The following SEMA6B variants were observed in gnomAD, a reference collection of about 807,000 sequenced individuals.
The protein encoded by SEMA6B is semaphorin-6B.
SEMA6B carries 47 observed loss-of-function variants against 78.6 expected under a neutral mutation model. The ratio of observed to expected loss-of-function variants is 0.60; its 90% CI spans 0.47 to 0.76. The LOEUF (loss-of-function observed/expected upper bound fraction) is 0.76, where lower values mean the gene tolerates loss of function less well. SEMA6B is among the 30% of genes least tolerant of loss of function. The pLI is 0.00. For missense variants in SEMA6B, 1,213 were observed against 1,269.9 expected (o/e 0.96, Z 0.68); for synonymous variants, 632 against 592.2 (o/e 1.07, Z -0.98).
chr19:4,547,493 C>A (rs1026349974), intron 14 of SEMA6B, among the ~76,000 whole-genome samples: 1 of 152,234 alleles, frequency 6.6e-6, no homozygotes, highest in Non-Finnish European at 1.5e-5. Flanking sequence ...GCAGGGTCCT[C>A]CGCATTGACG....
At chr19:4,553,082 C>T (rs970767133) in intron 9 of SEMA6B, among the ~76,000 whole-genome samples, 8 of 152,024 alleles carry the variant, frequency 5.3e-5, no homozygotes, top group Admixed American at 2.0e-4. Flanking sequence ...AGTAGATGGA[C>T]GGACGATTAC....
chr19:4,550,170 C>T lies in SEMA6B; in HGVS notation c.1224G>A (p.Ala408=), dbSNP rs754487801. 5.9e-5 allele frequency: 96 copies of T among 1,613,694 alleles called. No individual in the cohort carries two copies. The highest frequency in any genetic ancestry group is 3.7e-4 in the Admixed American group (22 of 59,988). ...FVKTHPLMDE[A]VPSLGHAPWI... ...AGGGCGCATGGCCCAGCGAGGGCAC[C>T]GCCTCGTCCATCAGAGGGTGGGTCT... The change falls in exon 12 of 17, where the codon GCG becomes GCA. Residue 408 remains alanine, a synonymous_variant. Transcript: ENST00000586582. This position sits in a 1 kb window ranked among gnomAD's most constrained non-coding sequence, Gnocchi z 6.6.
rs770503059 is a variant in SEMA6B, at chr19:4,558,754, T to C, written c.-32-265A>G. On this transcript the variant is annotated intron_variant, in intron 1 of 16. Transcript: ENST00000586582. The surrounding 1 kb of genome is among the most constrained non-coding windows in gnomAD (Gnocchi z 5.1). The stretch of plus-strand genomic sequence containing the variant: ...GGTAATTTAAAACTAATAATAATTA[T>C]TATAATAATAGATACAAATATCCTA... 1.3e-4 allele frequency among the ~76,000 whole-genome samples: 20 copies of C among 151,940 alleles called. No homozygotes were observed. Among genetic ancestry groups the C allele is most frequent in the Non-Finnish European group, 2.6e-4 (18 of 68,010 alleles).
Position 4,542,769 on chromosome 19 carries a change from G to T in SEMA6B, c.*832C>A. ...ACCACCCTGGGGCCGTATTTACAGAGGGGCCCCACCCACCTTCGCCGCCCC... is the reference window on the plus strand; with the variant it reads ...ACCACCCTGGGGCCGTATTTACAGATGGGCCCCACCCACCTTCGCCGCCCC... On this transcript the variant is annotated 3_prime_UTR_variant, in exon 17 of 17. Transcript: ENST00000586582. The T allele has an allele frequency of 1.4e-6, 1 of 700,662 alleles. No homozygotes were observed. Among genetic ancestry groups the T allele is most frequent in the Non-Finnish European group, 2.6e-6 (1 of 384,590 alleles). 43.4% of individuals were successfully genotyped at this position (700,662 alleles called of 1,614,324 possible). A position where few individuals can be genotyped will look rare whatever the true frequency, so the allele number is the denominator to read the frequency against.
chr19:4,547,217 T>C (rs1296527109), intron 14 of SEMA6B, among the ~76,000 whole-genome samples: 1 of 152,110 alleles, frequency 6.6e-6, no homozygotes, highest in African/African-American at 2.4e-5. Flanking sequence ...GGAGTCCTCC[T>C]GCCTTGGCCT....
rs1327870114 is a variant in SEMA6B at position 4,544,413 on chromosome 19, C to T, written c.1855G>A (p.Gly619Ser). The T allele has an allele frequency of 1.2e-6, 2 of 1,604,230 alleles. No homozygotes were observed. The highest frequency in any genetic ancestry group is 1.7e-6 in the Non-Finnish European group (2 of 1,176,504). The change falls in exon 17 of 17, where the codon GGC (glycine) becomes AGC (serine). Residue 619 changes from glycine (G) to serine (S), a missense_variant. Physicochemically the swap from Gly to Ser is moderately conservative, Grantham distance 56 (BLOSUM62 0). Coordinates refer to ENST00000586582, the MANE Select transcript of SEMA6B (RefSeq NM_032108.4). The surrounding 1 kb of genome is among the most constrained non-coding windows in gnomAD (Gnocchi z 5.1). The part of the protein sequence containing the change: ...VGAVVSGFSV[G>S]WFVGLRERRE... ...CGCTCACGGAGGCCCACGAACCAGC[C>T]CACGCTGAAGCCGGACACCACGGCT...
intron 5 of SEMA6B, among the ~76,000 whole-genome samples, chr19:4,556,587 G>C (rs182257265): frequency 6.6e-6 from 1 of 151,630 alleles, no homozygotes; most frequent in Admixed American, 6.6e-5. Context: ...CGATTGGGTG[G>C]GGAGTGAGCT....
intron 12 of SEMA6B, among the ~76,000 whole-genome samples, chr19:4,549,327 T>G (rs1382010788): frequency 7.0e-6 from 1 of 142,180 alleles, no homozygotes; most frequent in East Asian, 2.1e-4. Context: ...TTTTGAGGTG[T>G]AGTCTCCCTC....
rs1977449954 is a variant in SEMA6B at position 4,555,692 on chromosome 19, C to T, written c.472-128G>A. 1 of 778,060 alleles carries T rather than the reference C, an allele frequency of 1.3e-6. No homozygotes were observed. 48.2% of individuals were successfully genotyped at this position (778,060 alleles called of 1,614,324 possible). A position where few individuals can be genotyped will look rare whatever the true frequency, so the allele number is the denominator to read the frequency against. On this transcript the variant is annotated intron_variant, in intron 6 of 16. Coordinates refer to ENST00000586582, the MANE Select transcript of SEMA6B (RefSeq NM_032108.4). The surrounding 1 kb of genome is among the most constrained non-coding windows in gnomAD (Gnocchi z 6.1). ...ATTACTGTGTGACCTTGGCCACTCA[C>T]TTAACCTCTCAGGGCCTCAGTTTAC... is the stretch of plus-strand genomic sequence containing the variant.
At chr19:4,554,635 G>T (rs1391960419) in intron 8 of SEMA6B, among the ~76,000 whole-genome samples, 159 bp from the exon 9 acceptor site, 1 of 152,178 alleles carries the variant, frequency 6.6e-6, no homozygotes, top group Non-Finnish European at 1.5e-5. Context: ...GGGAAGGGAG[G>T]TCAGAAGCCT....
chr19:4,546,728 G>T (rs998353672), intron 14 of SEMA6B, among the ~76,000 whole-genome samples: 1 of 151,834 alleles, frequency 6.6e-6, no homozygotes, highest in African/African-American at 2.4e-5. Context: ...GGGTTCAAGC[G>T]ATTCTCCTGC....
chr19:4,546,401 G>C lies in SEMA6B; in HGVS notation c.1670C>G (p.Pro557Arg), dbSNP rs374897578. 24 of 1,584,200 alleles carry C rather than the reference G, an allele frequency of 1.5e-5. No homozygotes were observed. The Admixed American group carries it at 2.1e-4, about 14-fold the overall frequency. Residue 557 changes from proline (P) to arginine (R), a missense_variant, in exon 15 of 17, where the codon CCG (proline) becomes CGG (arginine). Coordinates refer to ENST00000586582, the MANE Select transcript of SEMA6B (RefSeq NM_032108.4). The stretch of plus-strand genomic sequence containing the variant: ...CCCTCTCCCGCAGTACCTGGTGCCC[G>C]GGCTGAGGAAGATGCAGGAGCCGTC... ...APDGSCIFLS[P>R]GTRAAFEQDV...
At position 4,544,678 on chromosome 19, in the gene SEMA6B, C is replaced by T. The variant is rs1312123827; in HGVS notation, c.1739-149G>A. ...TGAGAAGGAGTCTTCCTTTGTGTGC[C>T]AGGCTGGAGTGCAGTGGGGCGATCT... On this transcript the variant is annotated intron_variant, in intron 16 of 16. Coordinates refer to ENST00000586582, the MANE Select transcript of SEMA6B (RefSeq NM_032108.4). This position sits in a 1 kb window ranked among gnomAD's most constrained non-coding sequence, Gnocchi z 5.1. The T allele has an allele frequency of 4.4e-6, 2 of 457,442 alleles. No individual in the cohort carries two copies. The highest frequency in any genetic ancestry group is 8.8e-5 in the Admixed American group (2 of 22,708). The allele number at this position is 457,442 out of a possible 1,614,324, so 28.3% of individuals were successfully genotyped here. A position where few individuals can be genotyped will look rare whatever the true frequency, so the allele number is the denominator to read the frequency against.
intron 10 of SEMA6B, among the ~76,000 whole-genome samples, chr19:4,551,363 G>T (rs1173826900): frequency 6.6e-6 from 1 of 151,644 alleles, no homozygotes; most frequent in African/African-American, 2.4e-5. Flanking sequence ...GGAATTACAG[G>T]TGCCCACCAC....
rs1481901269 is a variant in SEMA6B, at chr19:4,552,159, C to A, written c.989+263G>T. Among the ~76,000 whole-genome samples, 1 of 152,222 alleles carries A rather than the reference C, an allele frequency of 6.6e-6. No individual in the cohort carries two copies. The highest frequency in any genetic ancestry group is 1.5e-5 in the Non-Finnish European group (1 of 68,034). On this transcript the variant is annotated intron_variant, in intron 10 of 16. Transcript: ENST00000586582. This position sits in a 1 kb window ranked among gnomAD's most constrained non-coding sequence, Gnocchi z 7.4. ...TCCATCTCACACCCAAAGTCCAGCTCCAATGTCCCCTCCTCCAGGAAGCCC... is the reference window on the plus strand; with the variant it reads ...TCCATCTCACACCCAAAGTCCAGCTACAATGTCCCCTCCTCCAGGAAGCCC...
In SEMA6B at chr19:4,550,573, G is replaced by C. The variant is rs570591838; in HGVS notation, c.1121+226C>G. Among the ~76,000 whole-genome samples the C allele has an allele frequency of 4.6e-5, 7 of 152,050 alleles. No homozygotes were observed. In the East Asian group the frequency reaches 1.4e-3, roughly 29 times the overall value. On this transcript the variant is annotated intron_variant, in intron 11 of 16. Coordinates refer to ENST00000586582, the MANE Select transcript of SEMA6B (RefSeq NM_032108.4). This position sits in a 1 kb window ranked among gnomAD's most constrained non-coding sequence, Gnocchi z 6.6. ...GAGACAGGGTTTCGCCATGTTGGTC[G>C]GGCTGGTCTCAAACCCTCGACCTCA...
In SEMA6B at chr19:4,558,564, G is replaced by A. The variant is rs1977539026; in HGVS notation, c.-32-75C>T. The A allele has an allele frequency of 1.0e-6, 1 of 970,964 alleles. No homozygotes were observed. Among genetic ancestry groups the A allele is most frequent in the Non-Finnish European group, 1.3e-6 (1 of 749,972 alleles). The allele number at this position is 970,964 out of a possible 1,614,324, so 60.1% of individuals were successfully genotyped here. ...CACAAGACGGCGGGCGAGAGCAGCA[G>A]ACGCTCCTTCAAATCCCAGAAAAAT... On this transcript the variant is annotated intron_variant, in intron 1 of 16. Transcript: ENST00000586582. The surrounding 1 kb of genome is among the most constrained non-coding windows in gnomAD (Gnocchi z 5.1).
rs546805876 is a variant in SEMA6B at position 4,544,620 on chromosome 19, A to G, written c.1739-91T>C. The G allele has an allele frequency of 1.6e-6, 1 of 637,866 alleles. No individual in the cohort carries two copies. Among genetic ancestry groups the G allele is most frequent in the African/African-American group, 1.9e-5 (1 of 52,700 alleles). The allele number at this position is 637,866 out of a possible 1,614,324, so 39.5% of individuals were successfully genotyped here. ...CTCGGGGCCCTCTGTCCTCTTTTTT[A>G]TTATTTTTATTTTTTTTTATTTATT... On this transcript the variant is annotated intron_variant, in intron 16 of 16. Transcript: ENST00000586582. The surrounding 1 kb of genome is among the most constrained non-coding windows in gnomAD (Gnocchi z 5.1).
rs1977106822 is a variant in SEMA6B, at chr19:4,544,318, G to A, written c.1950C>T (p.Ser650=). 2.0e-6 allele frequency: 3 copies of A among 1,495,110 alleles called. No individual in the cohort carries two copies. The highest frequency in any genetic ancestry group is 2.7e-6 in the Non-Finnish European group (3 of 1,127,404). 92.6% of individuals were successfully genotyped at this position (1,495,110 alleles called of 1,614,324 possible). ...LAHGAGEAVL[S]VSRLGERRAQ... ...CCCTGCGCTCGCCCAGGCGGCTGACGCTCAGCACCGCCTCGCCCGCCCCGT... is the reference window on the plus strand; with the variant it reads ...CCCTGCGCTCGCCCAGGCGGCTGACACTCAGCACCGCCTCGCCCGCCCCGT... Residue 650 remains serine (S), a synonymous_variant, in exon 17 of 17, where the codon AGC becomes AGT. Coordinates refer to ENST00000586582, the MANE Select transcript of SEMA6B (RefSeq NM_032108.4). This position sits in a 1 kb window ranked among gnomAD's most constrained non-coding sequence, Gnocchi z 5.1.
Sources: gnomAD v4.1 joint callset for allele counts (sites outside exome capture counted in the v4.1 genomes callset) on GRCh38, gnomAD v4.1.1 for gene constraint, Gnocchi (gnomAD v3.1) non-coding constraint, MANE v1.5 for transcripts, NCBI Gene and HGNC (gene_info 2026-07-23, HGNC 2026-07-21) for gene names.